FOXR1: variants seen among roughly 807,000 people sequenced by gnomAD.
FOXR1 encodes the protein forkhead box R1, also known as forkhead box protein R1.
In FOXR1, 25 loss-of-function variants were observed where a neutral mutation model predicts 34.5. The ratio of observed to expected loss-of-function variants is 0.72; its 90% CI spans 0.53 to 1.01. FOXR1 has a LOEUF of 1.01. FOXR1 is among the 50% of genes least tolerant of loss of function. The pLI, the probability that FOXR1 is intolerant of heterozygous loss-of-function variation, is 0.00. For missense variants in FOXR1, 373 were observed against 376.2 expected, an observed-to-expected ratio of 0.99 and a Z score of 0.07; for synonymous variants, 153 against 141.6, an observed-to-expected ratio of 1.08 and a Z score of -0.57.
chr11:118,972,959 A>G (rs1217248217), intron 1 of FOXR1, among the ~76,000 whole-genome samples: 2 of 151,950 alleles, frequency 1.3e-5, no homozygotes, highest in Non-Finnish European at 2.9e-5. Context: ...TACCAACCCT[A>G]ATCCATTTAA....
intron 1 of FOXR1, among the ~76,000 whole-genome samples, chr11:118,972,314 A>G (rs1395613920): frequency 1.3e-5 from 2 of 151,994 alleles, no homozygotes; most frequent in African/African-American, 4.8e-5. Flanking sequence ...CTCCCAGAAC[A>G]TTCCAAGGCC....
intron 1 of FOXR1, among the ~76,000 whole-genome samples, chr11:118,973,534 GGACTACAGGCAC>G (rs1941741442): frequency 6.6e-6 from 1 of 151,966 alleles, no homozygotes; most frequent in African/African-American, 2.4e-5. Flanking sequence ...CGAGTAGCTG[GGACTACAGGCAC>G]GCGCTACCAT....
chr11:118,980,741 G>A lies in FOXR1; in HGVS notation c.850+13G>A, dbSNP rs1204686839. On this transcript the variant is annotated intron_variant, in intron 5 of 5. Coordinates refer to ENST00000317011, the MANE Select transcript of FOXR1 (RefSeq NM_181721.3). Reference sequence around the variant, plus strand: ...ATGAGCCAGCCAGGTGTGAAGACTTGTTGTGCGTGGGCCCAAGGGGAAGAG... The same window carrying A: ...ATGAGCCAGCCAGGTGTGAAGACTTATTGTGCGTGGGCCCAAGGGGAAGAG... 4.4e-6 allele frequency: 7 copies of A among 1,604,398 alleles called. No homozygotes were observed. The East Asian group carries it at 1.3e-4, about 31-fold the overall frequency.
Position 118,979,498 on chromosome 11 carries a change from A to ATCCCCTCACAAAAGGGCCCCCC in FOXR1, c.445_466dup (p.Gln156ProfsTer84). The stretch of plus-strand genomic sequence containing the variant: ...AAGACAGCTCCTCTATGGCTCTCCC[A>ATCCCCTCACAAAAGGGCCCCCC]TCCCCTCACAAAAGGGCCCCCCTCC... On this transcript the variant is annotated frameshift_variant, in exon 4 of 6. Transcript: ENST00000317011. LOFTEE classifies it high-confidence loss of function. 3 of 1,613,148 alleles carry ATCCCCTCACAAAAGGGCCCCCC rather than the reference A, an allele frequency of 1.9e-6. No individual in the cohort carries two copies. The highest frequency in any genetic ancestry group is 2.5e-6 in the Non-Finnish European group (3 of 1,179,530).
At chr11:118,972,816 G>C (rs1013838638) in intron 1 of FOXR1, among the ~76,000 whole-genome samples, 3 of 152,026 alleles carry the variant, frequency 2.0e-5, no homozygotes, top group Admixed American at 6.6e-5. Flanking sequence ...TAGAGGCAGA[G>C]TTTCACCATG....
Position 118,971,976 on chromosome 11 carries a change from C to A in FOXR1, c.45C>A (p.Pro15=). 1 of 1,550,006 alleles carries A rather than the reference C, an allele frequency of 6.5e-7. No homozygotes were observed. The highest frequency in any genetic ancestry group is 1.4e-5 in the African/African-American group (1 of 73,114). Residue 15 remains proline, a synonymous_variant, in exon 1 of 6, where the codon CCC becomes CCA. Coordinates refer to ENST00000317011, the MANE Select transcript of FOXR1 (RefSeq NM_181721.3). ...TGGCCTTCACCACATCTCACCTCCC[C>A]TTAGCGGAGCAGAAACGTGAGTAGC... ...LFLAFTTSHL[P]LAEQKLARYK... is the part of the protein sequence containing the mutation.
chr11:118,975,300 A>T (rs531726595), intron 1 of FOXR1, among the ~76,000 whole-genome samples: 2 of 152,304 alleles, frequency 1.3e-5, no homozygotes, highest in African/African-American at 4.8e-5. Context: ...TGGTTTTAGT[A>T]AGTGGTAGAA....
At chr11:118,977,706 TATA>T (rs1412928628) in intron 1 of FOXR1, among the ~76,000 whole-genome samples, 1 of 152,212 alleles carries the variant, frequency 6.6e-6, no homozygotes, top group Non-Finnish European at 1.5e-5. Flanking sequence ...TCATCTGTAA[TATA>T]ATGACACTCA....
rs782705591 is a variant in FOXR1, at chr11:118,978,977, CT to C, written c.158del (p.Leu53ProfsTer5). ...DKDGPDYEPN[L>X]WMWVNPNIVY... ...CACAGGTCCAGATTATGAGCCCAAC[CT>C]CTGGATGTGGGTAAATCCCAACATT... On this transcript the variant is annotated frameshift_variant, in exon 3 of 6. Transcript: ENST00000317011. LOFTEE classifies it high-confidence loss of function. The C allele has an allele frequency of 1.6e-5, 26 of 1,604,924 alleles. No homozygotes were observed. The highest frequency in any genetic ancestry group is 2.0e-5 in the Non-Finnish European group (24 of 1,174,568).
At chr11:118,975,499 T>TCTTGAGCAGCCTTGAGCAGC (rs59884679) in intron 1 of FOXR1, among the ~76,000 whole-genome samples, 1 of 150,258 alleles carries the variant, frequency 6.7e-6, no homozygotes, top group African/African-American at 2.5e-5. Flanking sequence ...CTCACTGCAG[T>TCTTGAGCAGCCTTGAGCAGC]CTTGAGCAGC....
At position 118,981,278 on chromosome 11, in the gene FOXR1, C is replaced by G. The variant is rs150404524; in HGVS notation, c.*42C>G. ...CCAGCTAATGCTTTATTAAAATTAC[C>G]CTCACTAGCCTTCTGTGTGTGTCTG... On this transcript the variant is annotated 3_prime_UTR_variant, in exon 6 of 6. Coordinates refer to ENST00000317011, the MANE Select transcript of FOXR1 (RefSeq NM_181721.3). 2.8e-5 allele frequency: 44 copies of G among 1,599,672 alleles called. No homozygotes were observed. In the African/African-American group the frequency reaches 5.6e-4, roughly 20 times the overall value.
At position 118,981,218 on chromosome 11, in the gene FOXR1, C is replaced by T; in HGVS notation, c.861C>T (p.Pro287=). 3.1e-6 allele frequency: 5 copies of T among 1,614,154 alleles called. No homozygotes were observed. The highest frequency in any genetic ancestry group is 4.2e-6 in the Non-Finnish European group (5 of 1,180,016). The part of the protein sequence containing the change: ...QQCMSQPDVM[P]FLFDL The stretch of plus-strand genomic sequence containing the variant: ...CTCCTTTTCTTACAGATGTGATGCC[C>T]TTCCTCTTTGATCTTTAACCCCAAG... Residue 287 remains proline (P), a synonymous_variant, in exon 6 of 6, where the codon CCC becomes CCT. Coordinates refer to ENST00000317011, the MANE Select transcript of FOXR1 (RefSeq NM_181721.3).
At chr11:118,972,655 C>T (rs1478385659) in intron 1 of FOXR1, among the ~76,000 whole-genome samples, 1 of 150,972 alleles carries the variant, frequency 6.6e-6, no homozygotes, top group Admixed American at 6.6e-5. Context: ...CGGAGTCTTG[C>T]TCTGTCGCCC....
Position 118,971,769 on chromosome 11 carries a change from G to T in FOXR1, c.-163G>T. On this transcript the variant is annotated 5_prime_UTR_variant, in exon 1 of 6. Transcript: ENST00000317011. ...ACTCAATCCGAGCCGGCGCATTTGAGAAGGCGCCTGTGAGGGTCGCTCCTC... is the reference window on the plus strand; with the variant it reads ...ACTCAATCCGAGCCGGCGCATTTGATAAGGCGCCTGTGAGGGTCGCTCCTC... 1.4e-6 allele frequency: 1 copy of T among 707,178 alleles called. No individual in the cohort carries two copies. The allele number at this position is 707,178 out of a possible 1,614,324, so 43.8% of individuals were successfully genotyped here.
intron 1 of FOXR1, among the ~76,000 whole-genome samples, chr11:118,977,715 A>C (rs1941796689): frequency 6.6e-6 from 1 of 152,160 alleles, no homozygotes; most frequent in Non-Finnish European, 1.5e-5. Context: ...ATATAATGAC[A>C]CTCATAGGGA....
chr11:118,977,205 T>C (rs563993116), intron 1 of FOXR1, among the ~76,000 whole-genome samples: 2 of 152,216 alleles, frequency 1.3e-5, no homozygotes, highest in African/African-American at 2.4e-5. Flanking sequence ...TAATTTTTTG[T>C]ACTTTTAGTA....
At chr11:118,979,859 G>GT (rs146110643) in intron 4 of FOXR1, among the ~76,000 whole-genome samples, 191 bp downstream of exon 4, 4,321 of 149,804 alleles carry the variant, frequency 0.029, 212 homozygotes, top group African/African-American at 0.099. Context: ...TATGGCTTTA[G>GT]TTTTTTTTTT....
chr11:118,979,529 C>T lies in FOXR1; in HGVS notation c.472C>T (p.Arg158Trp), dbSNP rs370698214. The T allele has an allele frequency of 5.0e-6, 8 of 1,613,706 alleles. No individual in the cohort carries two copies. Among genetic ancestry groups the T allele is most frequent in the South Asian group, 1.1e-5 (1 of 90,958 alleles). ...TCACAAAAGGGCCCCCCTCCAGAGT[C>T]GGAGGCTTCGGCAAGCCAGCAGCCA... ...SPHKRAPLQS[R>W]RLRQASSQAG... The change falls in exon 4 of 6, where the codon CGG (arginine) becomes TGG (tryptophan). Residue 158 changes from arginine (R) to tryptophan (W), a missense_variant. Arg to Trp is a moderately radical substitution (Grantham distance 101, BLOSUM62 -3). Transcript: ENST00000317011.
Position 118,971,964 on chromosome 11 carries a change from A to T in FOXR1, c.33A>T (p.Thr11=), listed in dbSNP as rs752318927. The T allele has an allele frequency of 9.0e-6, 14 of 1,553,018 alleles. No individual in the cohort carries two copies. The South Asian group carries it at 1.7e-4, about 18-fold the overall frequency. MGNELFLAFT[T]SHLPLAEQKL... ...ACGAGCTCTTTCTGGCCTTCACCAC[A>T]TCTCACCTCCCCTTAGCGGAGCAGA... Residue 11 remains threonine (T), a synonymous_variant, in exon 1 of 6, where the codon ACA becomes ACT. Coordinates refer to ENST00000317011, the MANE Select transcript of FOXR1 (RefSeq NM_181721.3).
Sources: allele counts gnomAD v4.1 joint callset (sites outside exome capture counted in the v4.1 genomes callset), GRCh38; gene constraint gnomAD v4.1.1; transcripts MANE v1.5; gene names NCBI Gene and HGNC (gene_info 2026-07-23, HGNC 2026-07-21).